Variants in PIP4K2A observed in about 807,000 individuals in gnomAD.
The protein encoded by PIP4K2A is phosphatidylinositol-5-phosphate 4-kinase type 2 alpha.
Under a neutral mutation model 42.9 loss-of-function variants are expected in PIP4K2A, and 14 were observed. That is an observed-to-expected ratio of 0.33 (90% CI 0.22 to 0.51). The LOEUF is 0.51. Among genes scored for constraint, PIP4K2A ranks in the 20% least tolerant of loss-of-function variants. PIP4K2A has a pLI of 0.97. For synonymous variants in PIP4K2A, 192 were observed against 192.2 expected, an observed-to-expected ratio of 1.00 and a Z score of 0.01; for missense variants, 434 against 519.8, an observed-to-expected ratio of 0.83 and a Z score of 1.61.
chr10:22,657,866 G>T (rs189580523), intron 1 of PIP4K2A, among the ~76,000 whole-genome samples: 1 of 152,260 alleles, frequency 6.6e-6, no homozygotes, highest in Admixed American at 6.5e-5. Context: ...TAATATGGGT[G>T]CAATCGCTAA....
intron 3 of PIP4K2A, among the ~76,000 whole-genome samples, chr10:22,603,127 A>G (rs896985470): frequency 2.6e-5 from 4 of 152,240 alleles, no homozygotes; most frequent in African/African-American, 9.6e-5. Context: ...GTTAGCTCTT[A>G]AAATTAATTA....
At chr10:22,713,986 C>T (rs1298278023) in intron 1 of PIP4K2A, 197 bp downstream of exon 1, 2 of 526,282 alleles carry the variant, frequency 3.8e-6, no homozygotes, top group South Asian at 4.6e-5. Flanking sequence ...AAAGGGGACG[C>T]AAGTGGTGGT....
intron 1 of PIP4K2A, among the ~76,000 whole-genome samples, chr10:22,712,936 GTGTGTC>G (rs931922683): frequency 4.6e-5 from 7 of 151,864 alleles, no homozygotes; most frequent in African/African-American, 9.7e-5. Flanking sequence ...GTGTGTGTGT[GTGTGTC>G]TGTGTGTGTG....
In PIP4K2A at chr10:22,684,862, T is replaced by C. The variant is rs182633973; in HGVS notation, c.144+29321A>G. Among the ~76,000 whole-genome samples, 796 of 152,352 alleles carry C rather than the reference T, an allele frequency of 5.2e-3. 4 individuals are homozygous for C. The highest frequency in any genetic ancestry group is 9.4e-3 in the Non-Finnish European group (637 of 68,022). On this transcript the variant is annotated intron_variant, in intron 1 of 9. Transcript: ENST00000376573. ...GTGCTTTGGTGGGTCCTTATAGCAC[T>C]GCTTATGGACATCTTGTCCACAGCT...
intron 1 of PIP4K2A, among the ~76,000 whole-genome samples, chr10:22,677,339 C>T (rs1839578996): frequency 6.6e-6 from 1 of 152,264 alleles, no homozygotes; most frequent in East Asian, 1.9e-4. Flanking sequence ...GTGGCACTTT[C>T]AAAGTGTTTT....
intron 1 of PIP4K2A, among the ~76,000 whole-genome samples, chr10:22,623,431 C>T (rs1838373001): frequency 6.6e-6 from 1 of 152,194 alleles, no homozygotes. Flanking sequence ...GGGTCTTCCA[C>T]AAGGGCGGTG....
chr10:22,545,577 A>C (rs1836241010), intron 7 of PIP4K2A, among the ~76,000 whole-genome samples: 1 of 152,238 alleles, frequency 6.6e-6, no homozygotes, highest in Non-Finnish European at 1.5e-5. Context: ...GGAAGAAATA[A>C]AGGTGCAGTC....
intron 6 of PIP4K2A, among the ~76,000 whole-genome samples, chr10:22,556,785 T>A (rs1305505587): frequency 6.6e-6 from 1 of 152,168 alleles, no homozygotes; most frequent in African/African-American, 2.4e-5. Context: ...AAAAAGAAAA[T>A]TTATTATAAA....
At chr10:22,626,919 A>G (rs1251796886) in intron 1 of PIP4K2A, among the ~76,000 whole-genome samples, 1 of 152,206 alleles carries the variant, frequency 6.6e-6, no homozygotes, top group African/African-American at 2.4e-5. Context: ...ATTAATATAT[A>G]TCTCCTACCC....
intron 3 of PIP4K2A, 113 bp from the exon 4 acceptor site, chr10:22,591,894 T>C (rs1037006547): frequency 3.3e-6 from 3 of 904,270 alleles, no homozygotes; most frequent in Non-Finnish European, 4.8e-6. Context: ...AAAACATTTG[T>C]GTGTGGGATA....
At chr10:22,671,832 G>C (rs1839457138) in intron 1 of PIP4K2A, among the ~76,000 whole-genome samples, 1 of 151,656 alleles carries the variant, frequency 6.6e-6, no homozygotes, top group Non-Finnish European at 1.5e-5. Flanking sequence ...AGACGCTGTT[G>C]TTCTTTCATG....
At chr10:22,629,438 G>A (rs943502824) in intron 1 of PIP4K2A, among the ~76,000 whole-genome samples, 7 of 152,042 alleles carry the variant, frequency 4.6e-5, no homozygotes, top group Non-Finnish European at 1.0e-4. Flanking sequence ...TTTTTATTTC[G>A]AGGAAAGCAA....
In PIP4K2A at chr10:22,539,051, G is replaced by A. The variant is rs148682164; in HGVS notation, c.1140+920C>T. Among the ~76,000 whole-genome samples, 6 of 152,250 alleles carry A rather than the reference G, an allele frequency of 3.9e-5. No individual in the cohort carries two copies. In the East Asian group the frequency reaches 1.2e-3, roughly 29 times the overall value. On this transcript the variant is annotated intron_variant, in intron 9 of 9. Coordinates refer to ENST00000376573, the MANE Select transcript of PIP4K2A (RefSeq NM_005028.5). ...GGGAATACATTCATCTGTGTGGGGT[G>A]GGCTCTATGGCTTTCAGGACCTCTG...
intron 1 of PIP4K2A, among the ~76,000 whole-genome samples, chr10:22,657,183 G>A (rs1839117740): frequency 6.6e-6 from 1 of 152,200 alleles, no homozygotes; most frequent in Non-Finnish European, 1.5e-5. Context: ...AATTGGAACA[G>A]AACATTCTCA....
At chr10:22,586,810 C>T (rs181768968) in intron 4 of PIP4K2A, among the ~76,000 whole-genome samples, 90 of 152,294 alleles carry the variant, frequency 5.9e-4, no homozygotes, top group Admixed American at 5.4e-3. Flanking sequence ...GGATTACAGA[C>T]GTGAGCCACT....
At chr10:22,650,160 G>A (rs1183683624) in intron 1 of PIP4K2A, among the ~76,000 whole-genome samples, 1 of 152,104 alleles carries the variant, frequency 6.6e-6, no homozygotes, top group African/African-American at 2.4e-5. Context: ...ACTCCCTTAG[G>A]GACTTCCCAG....
chr10:22,625,226 T>C (rs1039761154), intron 1 of PIP4K2A, among the ~76,000 whole-genome samples: 41 of 152,342 alleles, frequency 2.7e-4, no homozygotes, highest in African/African-American at 9.4e-4. Context: ...TATGCTAAAC[T>C]TAAGAGCTAG....
intron 1 of PIP4K2A, among the ~76,000 whole-genome samples, chr10:22,648,680 T>C (rs1564454879): frequency 6.6e-6 from 1 of 152,220 alleles, no homozygotes; most frequent in East Asian, 1.9e-4. Context: ...AAAAATTCCC[T>C]GGCTCTTGTG....
chr10:22,585,818 ACT>A (rs1837381709), intron 4 of PIP4K2A, among the ~76,000 whole-genome samples: 1 of 151,372 alleles, frequency 6.6e-6, no homozygotes, highest in Non-Finnish European at 1.5e-5. Flanking sequence ...CTGGTCTTGA[ACT>A]CCTGGCCTCA....
Sources: gnomAD v4.1 joint callset for allele counts (sites outside exome capture counted in the v4.1 genomes callset) on GRCh38, gnomAD v4.1.1 for gene constraint, MANE v1.5 for transcripts, NCBI Gene and HGNC (gene_info 2026-07-23, HGNC 2026-07-21) for gene names.